KCNH5: variants seen among roughly 807,000 people sequenced by gnomAD.
KCNH5 encodes the protein voltage-gated delayed rectifier potassium channel KCNH5.
KCNH5 carries 46 observed loss-of-function variants against 96.1 expected under a neutral mutation model. The observed-to-expected ratio is 0.48, with a 90% confidence interval of 0.38 to 0.61. KCNH5 has a LOEUF of 0.61. Ranked by LOEUF, KCNH5 falls within the 20% of genes least tolerant of loss-of-function variation. KCNH5 has a pLI of 0.00. For missense variants in KCNH5, 907 were observed against 1,225.8 expected (o/e 0.74, Z 3.88); for synonymous variants, 439 against 449.8 (o/e 0.98, Z 0.30).
At chr14:63,006,890 A>T (rs1253143391) in intron 2 of KCNH5, among the ~76,000 whole-genome samples, 1 of 152,236 alleles carries the variant, frequency 6.6e-6, no homozygotes, top group Non-Finnish European at 1.5e-5. Flanking sequence ...GTTCACGCAC[A>T]GACAGAAAAG....
chr14:62,980,998 C>T lies in KCNH5; in HGVS notation c.816G>A (p.Gly272=). 2 of 1,614,132 alleles carry T rather than the reference C, an allele frequency of 1.2e-6. No homozygotes were observed. Among genetic ancestry groups the T allele is most frequent in the African/African-American group, 1.3e-5 (1 of 75,038 alleles). ...GGTCAGAAATGACCTCTCCACCGGG[C>T]CCCACGAAAGTCGTGTGAAAATTTA... ...IVLNFHTTFV[G]PGGEVISDPK... The change falls in exon 6 of 11, where the codon GGG becomes GGA. Residue 272 remains glycine (G), a synonymous_variant. Coordinates refer to ENST00000322893, the MANE Select transcript of KCNH5 (RefSeq NM_139318.5).
At chr14:62,915,346 C>T (rs1328937171) in intron 7 of KCNH5, among the ~76,000 whole-genome samples, 1 of 152,066 alleles carries the variant, frequency 6.6e-6, no homozygotes, top group Non-Finnish European at 1.5e-5. Flanking sequence ...TATAAGGTTC[C>T]AAAACTACTG....
chr14:62,908,780 G>GTCTTTTT (rs1451340124), intron 7 of KCNH5, among the ~76,000 whole-genome samples: 1 of 19,802 alleles, frequency 5.0e-5, no homozygotes, highest in Non-Finnish European at 9.5e-5. Context: ...ATTTTGCTTT[G>GTCTTTTT]TATTTTTTTT....
chr14:62,977,035 C>T (rs541890767), intron 6 of KCNH5, among the ~76,000 whole-genome samples: 82 of 152,194 alleles, frequency 5.4e-4, no homozygotes, highest in African/African-American at 1.9e-3. Flanking sequence ...TTACAGCATG[C>T]TGCAAGGATC....
intron 9 of KCNH5, among the ~76,000 whole-genome samples, chr14:62,786,150 C>A (rs549019021): frequency 6.6e-6 from 1 of 152,256 alleles, no homozygotes; most frequent in Non-Finnish European, 1.5e-5. Flanking sequence ...GAGATCACGC[C>A]ACTGCTCTCC....
intron 7 of KCNH5, among the ~76,000 whole-genome samples, chr14:62,889,869 A>G (rs894732194): frequency 3.9e-5 from 6 of 152,230 alleles, no homozygotes; most frequent in Non-Finnish European, 5.9e-5. Flanking sequence ...AAGGCATTAG[A>G]AAACTAAGTA....
intron 8 of KCNH5, among the ~76,000 whole-genome samples, chr14:62,848,672 T>C (rs1303227835): frequency 1.3e-5 from 2 of 152,126 alleles, no homozygotes; most frequent in Non-Finnish European, 2.9e-5. Flanking sequence ...TAACTAAACA[T>C]CTACTTTGCT....
At chr14:62,993,414 T>C (rs924521489) in intron 4 of KCNH5, among the ~76,000 whole-genome samples, 5 of 152,024 alleles carry the variant, frequency 3.3e-5, no homozygotes, top group Non-Finnish European at 7.4e-5. Context: ...AAAATGGTCA[T>C]AGAAATGTGA....
chr14:63,018,069 C>T (rs1031641426), intron 1 of KCNH5, among the ~76,000 whole-genome samples: 3 of 151,798 alleles, frequency 2.0e-5, no homozygotes, highest in Non-Finnish European at 4.4e-5. Context: ...AGAATAGATA[C>T]TAAAGAAGCA....
chr14:62,844,886 A>T (rs1416248194), intron 8 of KCNH5, among the ~76,000 whole-genome samples: 2 of 152,182 alleles, frequency 1.3e-5, no homozygotes, highest in African/African-American at 4.8e-5. Flanking sequence ...TATAAAACTA[A>T]ATATGTGGAA....
At chr14:62,754,285 A>T (rs1257282650) in intron 10 of KCNH5, among the ~76,000 whole-genome samples, 1 of 152,178 alleles carries the variant, frequency 6.6e-6, no homozygotes, top group African/African-American at 2.4e-5. Context: ...AAATTAAAAC[A>T]TAACATCAGA....
At chr14:62,941,462 A>C (rs1345893687) in intron 7 of KCNH5, among the ~76,000 whole-genome samples, 2 of 152,164 alleles carry the variant, frequency 1.3e-5, no homozygotes, top group African/African-American at 4.8e-5. Context: ...GAGACTGCTA[A>C]ACCATGATAA....
intron 10 of KCNH5, among the ~76,000 whole-genome samples, chr14:62,727,347 A>G (rs1055044053): frequency 6.6e-6 from 1 of 152,120 alleles, no homozygotes; most frequent in Non-Finnish European, 1.5e-5. Flanking sequence ...CATGGGCAAC[A>G]GAGTGAGACT....
intron 6 of KCNH5, among the ~76,000 whole-genome samples, chr14:62,953,018 T>G (rs1216635300): frequency 6.6e-6 from 1 of 151,876 alleles, no homozygotes; most frequent in Non-Finnish European, 1.5e-5. Context: ...AAATATCAGT[T>G]TTATATAGAG....
intron 7 of KCNH5, among the ~76,000 whole-genome samples, chr14:62,918,089 A>T (rs1282615306): frequency 1.3e-5 from 2 of 152,126 alleles, no homozygotes; most frequent in Non-Finnish European, 2.9e-5. Flanking sequence ...GTGATTTGGG[A>T]TGAGCCATGG....
At chr14:62,820,153 GCA>G (rs754389845) in intron 8 of KCNH5, among the ~76,000 whole-genome samples, 5 of 152,142 alleles carry the variant, frequency 3.3e-5, no homozygotes, top group African/African-American at 4.8e-5. Context: ...AATATAGGCA[GCA>G]GCTCTGAGGG....
chr14:62,829,235 A>G (rs758408027), intron 8 of KCNH5, among the ~76,000 whole-genome samples: 1 of 152,022 alleles, frequency 6.6e-6, no homozygotes, highest in Non-Finnish European at 1.5e-5. Context: ...GCACAGTGCA[A>G]GCTCTCCATG....
intron 8 of KCNH5, among the ~76,000 whole-genome samples, chr14:62,835,541 A>G (rs1887447563): frequency 6.6e-6 from 1 of 152,082 alleles, no homozygotes; most frequent in African/African-American, 2.4e-5. Context: ...TTTAAGAAAA[A>G]ATATGTAATA....
In KCNH5 at chr14:62,991,259, T is replaced by A. The variant is rs953922350; in HGVS notation, c.434-4072A>T. ...ATTTAAAGAAGAAAATACATTCAGT[T>A]CTTAGGTATTAGCATAGCTTATATG... On this transcript the variant is annotated intron_variant, in intron 4 of 10. Transcript: ENST00000322893. Among the ~76,000 whole-genome samples the A allele has an allele frequency of 3.3e-5, 5 of 152,176 alleles. No homozygotes were observed. The East Asian group carries it at 9.7e-4, about 29-fold the overall frequency.
Sources: allele counts gnomAD v4.1 joint callset (sites outside exome capture counted in the v4.1 genomes callset), GRCh38; gene constraint gnomAD v4.1.1; transcripts MANE v1.5; gene names NCBI Gene and HGNC (gene_info 2026-07-23, HGNC 2026-07-21).